KLHL1: variants seen among roughly 807,000 people sequenced by gnomAD.
KLHL1 encodes kelch-like protein 1.
KLHL1 carries 47 observed loss-of-function variants against 77.7 expected under a neutral mutation model. The ratio of observed to expected loss-of-function variants is 0.60; its 90% CI spans 0.48 to 0.77. KLHL1 has a LOEUF of 0.77. Among genes scored for constraint, KLHL1 ranks in the 30% least tolerant of loss-of-function variants. The pLI is 0.00. For synonymous variants in KLHL1, 360 were observed against 325.2 expected, an observed-to-expected ratio of 1.11 and a Z score of -1.15; for missense variants, 925 against 910.8, an observed-to-expected ratio of 1.02 and a Z score of -0.20.
intron 1 of KLHL1, among the ~76,000 whole-genome samples, chr13:70,073,560 A>T (rs1018071700): frequency 3.3e-5 from 5 of 151,434 alleles, no homozygotes; most frequent in Non-Finnish European, 7.4e-5. Context: ...AGTGTAATAA[A>T]AAAAAAAATG....
intron 7 of KLHL1, among the ~76,000 whole-genome samples, chr13:69,781,661 C>A: frequency 6.6e-6 from 1 of 152,170 alleles, no homozygotes; most frequent in East Asian, 1.9e-4. Context: ...TCTTTTTACC[C>A]ATGATATTCT....
intron 4 of KLHL1, among the ~76,000 whole-genome samples, chr13:69,893,436 T>G (rs553507310): frequency 0.021 from 3,227 of 151,942 alleles, 53 homozygotes; most frequent in Middle Eastern, 0.048. Context: ...GGGTTTCACC[T>G]TGTTAGCCAG....
At chr13:69,842,038 C>A (rs922966092) in intron 5 of KLHL1, among the ~76,000 whole-genome samples, 10 of 151,392 alleles carry the variant, frequency 6.6e-5, no homozygotes, top group Admixed American at 2.6e-4. Context: ...AAAAATCAAC[C>A]CAAAATGAAT....
intron 7 of KLHL1, among the ~76,000 whole-genome samples, chr13:69,753,189 G>C (rs953534443): frequency 3.3e-5 from 5 of 152,010 alleles, no homozygotes; most frequent in Admixed American, 2.0e-4. Context: ...ACTGTAATAA[G>C]TCTTAGGGAC....
At chr13:69,865,017 G>A (rs1880318082) in intron 5 of KLHL1, among the ~76,000 whole-genome samples, 1 of 152,148 alleles carries the variant, frequency 6.6e-6, no homozygotes, top group Non-Finnish European at 1.5e-5. Context: ...TGTGATCACA[G>A]ATTACTGTAA....
At chr13:69,853,335 T>C (rs574901194) in intron 5 of KLHL1, among the ~76,000 whole-genome samples, 88 of 152,126 alleles carry the variant, frequency 5.8e-4, no homozygotes, top group African/African-American at 1.3e-3. Context: ...TTCCCCCTTT[T>C]GCTCAGCACT....
intron 1 of KLHL1, among the ~76,000 whole-genome samples, chr13:70,098,285 G>A (rs1457570410): frequency 6.6e-6 from 1 of 151,700 alleles, no homozygotes; most frequent in Non-Finnish European, 1.5e-5. Flanking sequence ...GAGTAATTTA[G>A]AAAAGCTATA....
chr13:69,955,003 TG>T (rs1219500790), intron 3 of KLHL1, among the ~76,000 whole-genome samples: 1 of 151,154 alleles, frequency 6.6e-6, no homozygotes, highest in African/African-American at 2.4e-5. Flanking sequence ...TTTTAAATAA[TG>T]GGCAATAATA....
At chr13:69,860,787 T>C (rs1009498323) in intron 5 of KLHL1, among the ~76,000 whole-genome samples, 18 of 151,958 alleles carry the variant, frequency 1.2e-4, no homozygotes, top group African/African-American at 4.3e-4. Context: ...AATGTGTTTT[T>C]ATTTTATCAG....
intron 7 of KLHL1, among the ~76,000 whole-genome samples, chr13:69,782,305 A>G (rs991327816): frequency 9.2e-5 from 14 of 152,342 alleles, no homozygotes; most frequent in African/African-American, 3.1e-4. Flanking sequence ...GGAGTGCCAG[A>G]CAGTGGGCGC....
chr13:69,836,625 C>A (rs1027091958), intron 6 of KLHL1, among the ~76,000 whole-genome samples: 1 of 151,890 alleles, frequency 6.6e-6, no homozygotes, highest in African/African-American at 2.4e-5. Flanking sequence ...AAGTGTTTGC[C>A]TAAAATAAAG....
intron 1 of KLHL1, among the ~76,000 whole-genome samples, chr13:70,020,009 C>T (rs1885750238): frequency 6.6e-6 from 1 of 152,128 alleles, no homozygotes; most frequent in African/African-American, 2.4e-5. Context: ...CTTCTGCCTT[C>T]TGTCACGTGA....
intron 6 of KLHL1, among the ~76,000 whole-genome samples, chr13:69,827,894 C>T (rs113027024): frequency 0.049 from 6,693 of 136,448 alleles, 430 homozygotes; most frequent in Non-Finnish European, 0.073. Context: ...TTCTTAATCT[C>T]TTCAAATTCA....
chr13:69,815,710 T>A (rs71196264), intron 6 of KLHL1, among the ~76,000 whole-genome samples: 1 of 152,022 alleles, frequency 6.6e-6, no homozygotes, highest in Non-Finnish European at 1.5e-5. Context: ...GAATCTAAAA[T>A]TTTTTAAAAA....
intron 3 of KLHL1, among the ~76,000 whole-genome samples, chr13:69,951,443 G>T (rs1883709643): frequency 6.6e-6 from 1 of 151,496 alleles, no homozygotes; most frequent in African/African-American, 2.4e-5. Flanking sequence ...TGTAGAACCA[G>T]GTTATACTGA....
chr13:69,912,937 G>A (rs1882287701), intron 4 of KLHL1, among the ~76,000 whole-genome samples: 1 of 152,002 alleles, frequency 6.6e-6, no homozygotes, highest in African/African-American at 2.4e-5. Flanking sequence ...TGCTGGTTGT[G>A]GGCAGCATTG....
At chr13:69,800,908 A>G (rs2138045600) in intron 6 of KLHL1, among the ~76,000 whole-genome samples, 1 of 152,282 alleles carries the variant, frequency 6.6e-6, no homozygotes, top group Middle Eastern at 3.4e-3. Flanking sequence ...GTGCTATGTA[A>G]TAAACTTGGA....
intron 1 of KLHL1, among the ~76,000 whole-genome samples, chr13:70,039,188 C>A (rs950774655): frequency 6.6e-6 from 1 of 151,882 alleles, no homozygotes; most frequent in Non-Finnish European, 1.5e-5. Flanking sequence ...CCAACCTCAG[C>A]TCCCCAAGCA....
intron 1 of KLHL1, among the ~76,000 whole-genome samples, chr13:70,075,671 GTATA>G (rs1302343403): frequency 2.2e-5 from 3 of 138,238 alleles, no homozygotes; most frequent in African/African-American, 8.0e-5. Context: ...ATGTGTGTGT[GTATA>G]TATATATACA....
Sources: gnomAD v4.1 joint callset for allele counts (sites outside exome capture counted in the v4.1 genomes callset) on GRCh38, gnomAD v4.1.1 for gene constraint, MANE v1.5 for transcripts, NCBI Gene and HGNC (gene_info 2026-07-23, HGNC 2026-07-21) for gene names.